Variants in DLGAP2 observed in about 807,000 individuals in gnomAD.
DLGAP2 encodes the protein disks large-associated protein 2.
A neutral mutation model predicts 100.3 loss-of-function variants in DLGAP2; 26 were observed. The ratio of observed to expected loss-of-function variants is 0.26; its 90% CI spans 0.19 to 0.36. The LOEUF (loss-of-function observed/expected upper bound fraction) is 0.36. DLGAP2 is among the 10% of genes least tolerant of loss of function. DLGAP2 has a pLI of 1.00. For synonymous variants in DLGAP2, 886 were observed against 630.1 expected (o/e 1.41, Z -6.08); for missense variants, 1,858 against 1,453.2 (o/e 1.28, Z -4.53).
intron 3 of DLGAP2, among the ~76,000 whole-genome samples, chr8:1,316,766 G>A (rs1171226655): frequency 1.4e-5 from 2 of 142,064 alleles, no homozygotes; most frequent in Non-Finnish European, 3.0e-5. Flanking sequence ...GCGTGTGCGA[G>A]TACAGCGTCT....
chr8:925,268 G>A (rs1439453909), intron 2 of DLGAP2, among the ~76,000 whole-genome samples: 1 of 152,134 alleles, frequency 6.6e-6, no homozygotes, highest in African/African-American at 2.4e-5. Context: ...ACCTTGCTCA[G>A]CTAATTTTTA....
At chr8:1,142,395 G>T (rs764030694) in intron 2 of DLGAP2, among the ~76,000 whole-genome samples, 1 of 152,174 alleles carries the variant, frequency 6.6e-6, no homozygotes, top group Non-Finnish European at 1.5e-5. Context: ...TCCCTTGAAC[G>T]TAGAGATTTG....
intron 1 of DLGAP2, chr8:753,429 A>C (rs1428125153): frequency 2.0e-5 from 3 of 152,248 alleles, no homozygotes; most frequent in Non-Finnish European, 2.9e-5. Flanking sequence ...TGAAATCATA[A>C]CTACGCCAGC....
At chr8:813,921 G>C (rs1796417094) in intron 1 of DLGAP2, among the ~76,000 whole-genome samples, 1 of 152,130 alleles carries the variant, frequency 6.6e-6, no homozygotes, top group Non-Finnish European at 1.5e-5. Context: ...AGCGTGTAGT[G>C]ATGAGGATGA....
chr8:1,159,975 C>T (rs571592951), intron 2 of DLGAP2, among the ~76,000 whole-genome samples: 45 of 152,222 alleles, frequency 3.0e-4, no homozygotes, highest in South Asian at 8.3e-4. Flanking sequence ...AAGGTCTTGG[C>T]GTTGTGGAGG....
chr8:1,212,204 A>G (rs187990856), intron 2 of DLGAP2, among the ~76,000 whole-genome samples: 10 of 152,232 alleles, frequency 6.6e-5, no homozygotes, highest in South Asian at 2.1e-4. Context: ...TGATCTTTCA[A>G]TCTTTCAAAG....
chr8:1,026,063 A>G (rs569627574), intron 2 of DLGAP2, among the ~76,000 whole-genome samples: 1 of 152,282 alleles, frequency 6.6e-6, no homozygotes, highest in East Asian at 1.9e-4. Flanking sequence ...ACCACCATGC[A>G]CTTCGTCCCG....
chr8:1,204,229 G>C (rs1157165235), intron 2 of DLGAP2, among the ~76,000 whole-genome samples: 1 of 152,222 alleles, frequency 6.6e-6, no homozygotes, highest in Non-Finnish European at 1.5e-5. Context: ...CCTACTGTGT[G>C]CCCTGCGCTG....
chr8:1,303,017 T>C (rs1800396189), intron 3 of DLGAP2, among the ~76,000 whole-genome samples: 1 of 152,202 alleles, frequency 6.6e-6, no homozygotes, highest in South Asian at 2.1e-4. Context: ...GGATGGGCCT[T>C]CGTAAGGACA....
At chr8:1,516,259 AAG>A (rs1290126564) in intron 4 of DLGAP2, among the ~76,000 whole-genome samples, 2 of 150,920 alleles carry the variant, frequency 1.3e-5, no homozygotes, top group Non-Finnish European at 1.5e-5. Context: ...GAGTGAGTGA[AAG>A]AGCACACAAA....
At chr8:1,114,490 G>A (rs1371584460) in intron 2 of DLGAP2, among the ~76,000 whole-genome samples, 1 of 152,116 alleles carries the variant, frequency 6.6e-6, no homozygotes, top group Non-Finnish European at 1.5e-5. Context: ...GTGCATAGAG[G>A]TGTTCATAGT....
rs559936105 is a variant in DLGAP2 at position 840,730 on chromosome 8, G to A, written c.19-67182G>A. On this transcript the variant is annotated intron_variant, in intron 1 of 14. Transcript: ENST00000637795. ...CTGGATTCTGTGAGTGCATTTACAC[G>A]GTGCACGCCTGCACGTTTCCCCACA... 4.7e-5 allele frequency among the ~76,000 whole-genome samples: 7 copies of A among 149,016 alleles called. No homozygotes were observed. In the East Asian group the frequency reaches 1.2e-3, roughly 26 times the overall value.
chr8:1,240,014 A>G (rs1365029842), intron 2 of DLGAP2, among the ~76,000 whole-genome samples: 231 of 140,204 alleles, frequency 1.6e-3, no homozygotes, highest in Non-Finnish European at 3.1e-3. Flanking sequence ...CATCGTGTCT[A>G]GTTCTCTCAC....
chr8:1,203,724 A>G (rs1797932063), intron 2 of DLGAP2, among the ~76,000 whole-genome samples: 1 of 152,138 alleles, frequency 6.6e-6, no homozygotes. Context: ...CACACACACA[A>G]ATGATTTCTC....
intron 2 of DLGAP2, among the ~76,000 whole-genome samples, chr8:923,439 C>G (rs1300980587): frequency 6.6e-6 from 1 of 152,212 alleles, no homozygotes; most frequent in African/African-American, 2.4e-5. Context: ...GCCGCTCTGA[C>G]CCTCCATTTT....
intron 2 of DLGAP2, among the ~76,000 whole-genome samples, chr8:925,444 G>T (rs764285054): frequency 6.6e-6 from 1 of 152,140 alleles, no homozygotes; most frequent in African/African-American, 2.4e-5. Context: ...CGGAAGGATG[G>T]TGTTCTGTGT....
At chr8:1,572,171 G>T (rs1802738168) in intron 6 of DLGAP2, among the ~76,000 whole-genome samples, 1 of 138,110 alleles carries the variant, frequency 7.2e-6, no homozygotes, top group Non-Finnish European at 1.6e-5. Context: ...TGAACTGTGG[G>T]GGTGTCTGAT....
intron 2 of DLGAP2, among the ~76,000 whole-genome samples, chr8:984,183 C>T (rs1282927831): frequency 1.3e-5 from 2 of 152,238 alleles, no homozygotes; most frequent in East Asian, 1.9e-4. Flanking sequence ...GAGACTTAAA[C>T]GTCCTGGATT....
At chr8:1,174,041 T>C (rs909182866) in intron 2 of DLGAP2, among the ~76,000 whole-genome samples, 1 of 152,170 alleles carries the variant, frequency 6.6e-6, no homozygotes, top group Non-Finnish European at 1.5e-5. Context: ...TCGATCCCAT[T>C]GTTCATGACA....
Sources: gnomAD v4.1 joint callset for allele counts (sites outside exome capture counted in the v4.1 genomes callset) on GRCh38, gnomAD v4.1.1 for gene constraint, MANE v1.5 for transcripts, NCBI Gene and HGNC (gene_info 2026-07-23, HGNC 2026-07-21) for gene names.